The following TBC1D19 variants were observed in gnomAD, a reference collection of about 807,000 sequenced individuals.
The protein encoded by TBC1D19 is TBC1 domain family, member 19.
In TBC1D19, 60 loss-of-function variants were observed where a neutral mutation model predicts 89.0. The ratio of observed to expected loss-of-function variants is 0.67; its 90% confidence interval spans 0.55 to 0.84. The LOEUF (loss-of-function observed/expected upper bound fraction) is 0.84. TBC1D19 is among the 40% of genes least tolerant of loss of function. TBC1D19 has a pLI of 0.00. For synonymous variants in TBC1D19, 189 were observed against 199.7 expected, an observed-to-expected ratio of 0.95 and a Z score of 0.45; for missense variants, 500 against 610.8, an observed-to-expected ratio of 0.82 and a Z score of 1.91.
At chr4:26,799,795 AT>A in the TBC1D19 span, among the ~76,000 whole-genome samples, 1 of 152,146 alleles carries the variant, frequency 6.6e-6, no homozygotes, top group Non-Finnish European at 1.5e-5. Flanking sequence ...CCTGTTGTTT[AT>A]ACATTACCCA....
chr4:26,689,526 G>A (rs117501415), intron 13 of TBC1D19, among the ~76,000 whole-genome samples: 2,702 of 152,146 alleles, frequency 0.018, 54 homozygotes, highest in East Asian at 0.066. Context: ...ACCCTGCATT[G>A]AGCAAGTCTA....
chr4:26,674,609 A>C (rs1309767335), intron 11 of TBC1D19, among the ~76,000 whole-genome samples: 1 of 152,102 alleles, frequency 6.6e-6, no homozygotes, highest in African/African-American at 2.4e-5. Flanking sequence ...TTCAACTTCT[A>C]GCTCACCCAG....
chr4:26,605,596 A>G (rs1740943584), intron 1 of TBC1D19, among the ~76,000 whole-genome samples: 1 of 152,084 alleles, frequency 6.6e-6, no homozygotes, highest in African/African-American at 2.4e-5. Flanking sequence ...GTCAAATGGT[A>G]TTTCTAGTTC....
chr4:26,732,658 T>C (rs1717737238), intron 15 of TBC1D19, among the ~76,000 whole-genome samples: 1 of 152,200 alleles, frequency 6.6e-6, no homozygotes, highest in South Asian at 2.1e-4. Flanking sequence ...ACAGTCCATG[T>C]CCCATATTAT....
chr4:26,621,848 G>A (rs145740411), intron 4 of TBC1D19, among the ~76,000 whole-genome samples: 3,250 of 152,002 alleles, frequency 0.021, 109 homozygotes, highest in African/African-American at 0.073. Flanking sequence ...CAACCCAATT[G>A]TCCAACAACG....
At position 26,614,469 on chromosome 4, in the gene TBC1D19, T is replaced by G; in HGVS notation, c.218+16T>G. On this transcript the variant is annotated intron_variant, in intron 3 of 20. Coordinates refer to ENST00000264866, the MANE Select transcript of TBC1D19 (RefSeq NM_018317.4). ...AACTGAGTGTGTGAGTTTTCCCACC[T>G]ATTTTACAATAGTATTTTGTTTAGC... is the stretch of plus-strand genomic sequence containing the variant. The G allele has an allele frequency of 6.4e-7, 1 of 1,573,532 alleles. No individual in the cohort carries two copies. Among genetic ancestry groups the G allele is most frequent in the Non-Finnish European group, 8.6e-7 (1 of 1,157,194 alleles).
chr4:26,619,008 C>T (rs1741868317), intron 3 of TBC1D19, among the ~76,000 whole-genome samples: 1 of 152,052 alleles, frequency 6.6e-6, no homozygotes, highest in South Asian at 2.1e-4. Flanking sequence ...TAGTTTTGTT[C>T]ACTTCTGTAT....
chr4:26,594,913 G>A (rs28870467), intron 1 of TBC1D19, among the ~76,000 whole-genome samples: 23 of 152,302 alleles, frequency 1.5e-4, no homozygotes, highest in African/African-American at 5.5e-4. Flanking sequence ...TTCATGTGTA[G>A]GTTTTTCTGT....
At chr4:26,579,850 A>T (rs535757031), upstream of TBC1D19, among the ~76,000 whole-genome samples, 312 of 152,232 alleles carry the variant, frequency 2.0e-3, 2 homozygotes, top group Middle Eastern at 6.8e-3. Flanking sequence ...GTAGGACAAG[A>T]TATTTGGAAT....
chr4:26,655,031 T>C (rs921432920), intron 7 of TBC1D19, among the ~76,000 whole-genome samples: 2 of 152,216 alleles, frequency 1.3e-5, no homozygotes, highest in Non-Finnish European at 2.9e-5. Context: ...TTGATGATGG[T>C]GACGTACAGA....
chr4:26,580,664 C>T (rs984253950), upstream of TBC1D19, among the ~76,000 whole-genome samples: 1 of 152,196 alleles, frequency 6.6e-6, no homozygotes, highest in Non-Finnish European at 1.5e-5. Flanking sequence ...ATTTATTCTG[C>T]AGACATGGCA....
the TBC1D19 span, among the ~76,000 whole-genome samples, chr4:26,857,526 C>A: frequency 5.3e-4 from 81 of 152,326 alleles, no homozygotes; most frequent in African/African-American, 1.9e-3. Context: ...ACTGACAGCC[C>A]GCCGCGCCCG....
Position 26,755,696 on chromosome 4 carries a change from T to A in TBC1D19, c.*749T>A, listed in dbSNP as rs1356210157. On this transcript the variant is annotated 3_prime_UTR_variant, in exon 21 of 21. Transcript: ENST00000264866. ...GCCGATGCTTGTTGCCAGCTTCTGT[T>A]ACTTTGTAACTATACAAGGAAGACA... 1.3e-5 allele frequency among the ~76,000 whole-genome samples: 2 copies of A among 152,202 alleles called. No homozygotes were observed. The highest frequency in any genetic ancestry group is 4.8e-5 in the African/African-American group (2 of 41,462).
At chr4:26,842,033 T>A in the TBC1D19 span, among the ~76,000 whole-genome samples, 1 of 152,212 alleles carries the variant, frequency 6.6e-6, no homozygotes, top group African/African-American at 2.4e-5. Flanking sequence ...AGGGAATAGT[T>A]TATATTTTAG....
At chr4:26,642,128 C>T (rs911426688) in intron 7 of TBC1D19, among the ~76,000 whole-genome samples, 15 of 152,278 alleles carry the variant, frequency 9.9e-5, no homozygotes, top group African/African-American at 3.6e-4. Flanking sequence ...ACATAACTGT[C>T]AGATTCACCA....
chr4:26,848,285 C>A, the TBC1D19 span, among the ~76,000 whole-genome samples: 46 of 152,184 alleles, frequency 3.0e-4, no homozygotes, highest in Admixed American at 9.2e-4. Context: ...TTTTCTTCTG[C>A]CCTCAGACTA....
At position 26,659,626 on chromosome 4, in the gene TBC1D19, T is replaced by C. The variant is rs541124301; in HGVS notation, c.510T>C (p.Tyr170=). ...EVLINLRNPN[Y]ENGDSLSFRT... ...TAATTAATCTTCGCAACCCAAATTA[T>C]GAAAACGGTGATTCTCTTAGTTTCA... The change falls in exon 8 of 21, where the codon TAT becomes TAC. Residue 170 remains tyrosine, a synonymous_variant. Transcript: ENST00000264866. The C allele has an allele frequency of 2.5e-6, 4 of 1,590,436 alleles. No individual in the cohort carries two copies. In the East Asian group the frequency reaches 6.7e-5, roughly 27 times the overall value.
the TBC1D19 span, among the ~76,000 whole-genome samples, chr4:26,826,370 T>C: frequency 1.3e-5 from 2 of 151,188 alleles, no homozygotes; most frequent in South Asian, 4.1e-4. Flanking sequence ...GCAATAATCA[T>C]GAATAGAAGG....
At chr4:26,732,905 G>A (rs1488923351) in intron 15 of TBC1D19, among the ~76,000 whole-genome samples, 2 of 152,216 alleles carry the variant, frequency 1.3e-5, no homozygotes, top group African/African-American at 2.4e-5. Flanking sequence ...AGGAGTTCAT[G>A]TCAATGGCAT....
Sources: gnomAD v4.1 joint callset for allele counts (sites outside exome capture counted in the v4.1 genomes callset) on GRCh38, gnomAD v4.1.1 for gene constraint, MANE v1.5 for transcripts, NCBI Gene and HGNC (gene_info 2026-07-23, HGNC 2026-07-21) for gene names.